The following L3MBTL3 variants were observed in gnomAD, a reference collection of about 807,000 sequenced individuals.
L3MBTL3 encodes the protein lethal(3)malignant brain tumor-like protein 3.
A neutral mutation model predicts 102.3 loss-of-function variants in L3MBTL3; 27 were observed. The ratio of observed to expected loss-of-function variants is 0.26; its 90% CI spans 0.19 to 0.36. The LOEUF is 0.36. Ranked by LOEUF, L3MBTL3 falls within the 10% of genes least tolerant of loss-of-function variation. The pLI is 1.00. For missense variants in L3MBTL3, 798 were observed against 955.3 expected, an observed-to-expected ratio of 0.84 and a Z score of 2.17; for synonymous variants, 340 against 320.9, an observed-to-expected ratio of 1.06 and a Z score of -0.64.
intron 20 of L3MBTL3, among the ~76,000 whole-genome samples, chr6:130,124,694 G>T (rs1269807774): frequency 6.6e-6 from 1 of 152,348 alleles, no homozygotes; most frequent in East Asian, 1.9e-4. Flanking sequence ...ACAGGGGCCA[G>T]GTGTGGTGGC....
At chr6:130,025,663 CTTGGAA>C (rs1779295699) in intron 2 of L3MBTL3, among the ~76,000 whole-genome samples, 1 of 152,004 alleles carries the variant, frequency 6.6e-6, no homozygotes, top group African/African-American at 2.4e-5. Flanking sequence ...TCTGAGTAGA[CTTGGAA>C]TTGATTAGTT....
intron 1 of L3MBTL3, among the ~76,000 whole-genome samples, chr6:130,021,017 A>G (rs753831425): frequency 8.6e-5 from 13 of 152,036 alleles, no homozygotes; most frequent in Non-Finnish European, 1.9e-4. Flanking sequence ...GAGTGCGTCC[A>G]GTTCTCCTTT....
intron 16 of L3MBTL3, 78 bp from the exon 17 acceptor site, chr6:130,092,667 G>T (rs1210408170): frequency 3.7e-6 from 3 of 806,492 alleles, no homozygotes; most frequent in Admixed American, 1.9e-5. Flanking sequence ...AATGAAAATG[G>T]TTATGCTGTG....
chr6:130,094,317 A>T lies in L3MBTL3; in HGVS notation c.1686A>T (p.Gly562=). 6.2e-7 allele frequency: 1 copy of T among 1,613,804 alleles called. No homozygotes were observed. Among genetic ancestry groups the T allele is most frequent in the Non-Finnish European group, 8.5e-7 (1 of 1,179,830 alleles). ...ASEHGGCSTP[G]CKGIGHFKRA... ...AACATGGTGGATGCTCAACCCCGGG[A>T]TGTAAAGGGATTGGCCATTTCAAGA... The change falls in exon 18 of 23, where the codon GGA becomes GGT. Residue 562 remains glycine (G), a synonymous_variant. Transcript: ENST00000361794.
intron 5 of L3MBTL3, among the ~76,000 whole-genome samples, chr6:130,050,069 A>G (rs1351883376): frequency 3.3e-5 from 5 of 152,078 alleles, no homozygotes; most frequent in Non-Finnish European, 2.9e-5. Context: ...TTTTCTATCT[A>G]TCATCTTTGC....
At chr6:130,137,021 T>C (rs1787758280) in intron 22 of L3MBTL3, among the ~76,000 whole-genome samples, 1 of 152,222 alleles carries the variant, frequency 6.6e-6, no homozygotes, top group South Asian at 2.1e-4. Context: ...ACAAAAAGTT[T>C]TTTGCTTGCT....
At chr6:130,028,705 T>A (rs1779515167) in intron 2 of L3MBTL3, among the ~76,000 whole-genome samples, 1 of 152,230 alleles carries the variant, frequency 6.6e-6, no homozygotes. Flanking sequence ...ATATTTTTCT[T>A]CATAGCAATG....
intron 22 of L3MBTL3, 102 bp from the exon 23 acceptor site, chr6:130,139,508 A>G (rs776058015): frequency 9.5e-7 from 1 of 1,050,182 alleles, no homozygotes; most frequent in Non-Finnish European, 1.4e-6. Context: ...GTGCTTTTTT[A>G]GCATTGCTAT....
chr6:130,092,173 G>A (rs552478769), intron 16 of L3MBTL3, among the ~76,000 whole-genome samples: 3 of 152,052 alleles, frequency 2.0e-5, no homozygotes, highest in African/African-American at 7.2e-5. Context: ...ACATATTTGA[G>A]AAATACTGTA....
At chr6:130,090,687 C>G (rs1783989589) in intron 16 of L3MBTL3, among the ~76,000 whole-genome samples, 1 of 152,108 alleles carries the variant, frequency 6.6e-6, no homozygotes, top group African/African-American at 2.4e-5. Flanking sequence ...CCTCAACCTC[C>G]CAGGCTCAGG....
chr6:130,086,305 TA>T, intron 16 of L3MBTL3, 55 bp downstream of exon 16: 1 of 1,229,372 alleles, frequency 8.1e-7, no homozygotes, highest in South Asian at 1.3e-5. Flanking sequence ...ATGTTTTAGA[TA>T]AAAACTTTGG....
At chr6:130,115,283 A>G (rs986694942) in intron 19 of L3MBTL3, among the ~76,000 whole-genome samples, 4 of 152,202 alleles carry the variant, frequency 2.6e-5, no homozygotes, top group Non-Finnish European at 5.9e-5. Context: ...AGCTGCCGCA[A>G]GGTAGCCATG....
At chr6:130,116,776 C>T (rs760775975) in intron 19 of L3MBTL3, among the ~76,000 whole-genome samples, 7 of 151,500 alleles carry the variant, frequency 4.6e-5, no homozygotes, top group African/African-American at 7.3e-5. Context: ...CGCACACTTG[C>T]GCCTAAGCAG....
chr6:130,107,408 A>G (rs1270779483), intron 19 of L3MBTL3, among the ~76,000 whole-genome samples: 2 of 152,218 alleles, frequency 1.3e-5, no homozygotes, highest in African/African-American at 2.4e-5. Flanking sequence ...AAAGAGGTTG[A>G]AAAATAAAAA....
At chr6:130,070,825 G>C in intron 12 of L3MBTL3, 151 bp from the exon 13 acceptor site, 1 of 149,948 alleles carries the variant, frequency 6.7e-6, no homozygotes. Flanking sequence ...TTGTTGGAAA[G>C]CGACCCTGCT....
At chr6:130,054,898 G>A (rs898204032) in intron 7 of L3MBTL3, among the ~76,000 whole-genome samples, 1 of 152,174 alleles carries the variant, frequency 6.6e-6, no homozygotes. Context: ...AGAGCAGAGC[G>A]GTCACGCAGC....
chr6:130,133,247 C>T lies in L3MBTL3; in HGVS notation c.1967-205C>T, dbSNP rs1787253262. On this transcript the variant is annotated intron_variant, in intron 20 of 22. Coordinates refer to ENST00000361794, the MANE Select transcript of L3MBTL3 (RefSeq NM_032438.4). This position sits in a 1 kb window ranked among gnomAD's most constrained non-coding sequence, Gnocchi z 4.9. Reference sequence around the variant, plus strand: ...ATGTCTTTAGTAATGAGTGCTGTAGCAAATGATATCAGTTGAATTTACAGG... The same window carrying T: ...ATGTCTTTAGTAATGAGTGCTGTAGTAAATGATATCAGTTGAATTTACAGG... Among the ~76,000 whole-genome samples, 1 of 152,188 alleles carries T rather than the reference C, an allele frequency of 6.6e-6. No homozygotes were observed. The highest frequency in any genetic ancestry group is 1.5e-5 in the Non-Finnish European group (1 of 68,038).
At chr6:130,076,752 T>C (rs1782979327) in intron 13 of L3MBTL3, among the ~76,000 whole-genome samples, 1 of 152,192 alleles carries the variant, frequency 6.6e-6, no homozygotes, top group African/African-American at 2.4e-5. Context: ...TTTACAATAG[T>C]AGCAGAAGGC....
chr6:130,086,292 A>T, intron 16 of L3MBTL3, 42 bp downstream of exon 16: 1 of 1,339,748 alleles, frequency 7.5e-7, no homozygotes. Context: ...CTTTTGTTAT[A>T]AGATGTTTTA....
Sources: gnomAD v4.1 joint callset for allele counts (sites outside exome capture counted in the v4.1 genomes callset) on GRCh38, gnomAD v4.1.1 for gene constraint, Gnocchi (gnomAD v3.1) non-coding constraint, MANE v1.5 for transcripts, NCBI Gene and HGNC (gene_info 2026-07-23, HGNC 2026-07-21) for gene names.